GRIK4: variants seen among roughly 807,000 people sequenced by gnomAD.
GRIK4 encodes the protein glutamate receptor ionotropic, kainate 4.
A neutral mutation model predicts 104.9 loss-of-function variants in GRIK4; 40 were observed. The ratio of observed to expected loss-of-function variants is 0.38; its 90% CI spans 0.30 to 0.50. The LOEUF (loss-of-function observed/expected upper bound fraction) is 0.50, where lower values mean the gene tolerates loss of function less well. Ranked by LOEUF, GRIK4 falls within the 20% of genes least tolerant of loss-of-function variation. The pLI is 0.93. For synonymous variants in GRIK4, 485 were observed against 524.9 expected (o/e 0.92, Z 1.04); for missense variants, 1,047 against 1,308.1 (o/e 0.80, Z 3.08).
intron 14 of GRIK4, among the ~76,000 whole-genome samples, chr11:120,947,247 C>A (rs1943882025): frequency 6.6e-6 from 1 of 151,918 alleles, no homozygotes; most frequent in South Asian, 2.1e-4. Context: ...ACTAAAAATA[C>A]AAAAATTAGC....
At chr11:120,936,467 G>A (rs998117577) in intron 13 of GRIK4, 2 of 214,854 alleles carry the variant, frequency 9.3e-6, no homozygotes, top group African/African-American at 4.7e-5. Flanking sequence ...TTCCACCTTT[G>A]CCCTGTCTGC....
chr11:120,676,816 G>A (rs1228787288), intron 3 of GRIK4, among the ~76,000 whole-genome samples: 2 of 152,228 alleles, frequency 1.3e-5, no homozygotes, highest in African/African-American at 2.4e-5. Flanking sequence ...CACCATGGAA[G>A]GTAATGCATT....
intron 1 of GRIK4, among the ~76,000 whole-genome samples, chr11:120,520,822 G>A (rs988590610): frequency 6.6e-6 from 1 of 152,174 alleles, no homozygotes; most frequent in African/African-American, 2.4e-5. Context: ...TATTGCTCCT[G>A]ACAGCATCTC....
At chr11:120,556,182 G>A (rs180684995) in intron 1 of GRIK4, among the ~76,000 whole-genome samples, 21 of 152,154 alleles carry the variant, frequency 1.4e-4, no homozygotes, top group East Asian at 5.8e-4. Flanking sequence ...AGTGTCCCCC[G>A]GCCCCTGTCA....
chr11:120,846,068 C>G (rs979612167), intron 8 of GRIK4, among the ~76,000 whole-genome samples: 2 of 152,186 alleles, frequency 1.3e-5, no homozygotes, highest in Non-Finnish European at 2.9e-5. Context: ...TACCTATTCT[C>G]TGCACATGGT....
intron 1 of GRIK4, among the ~76,000 whole-genome samples, chr11:120,630,728 T>G (rs1297525761): frequency 6.6e-6 from 1 of 152,216 alleles, no homozygotes; most frequent in Non-Finnish European, 1.5e-5. Context: ...AAACTACTTT[T>G]TTTGTTCCTT....
intron 19 of GRIK4, among the ~76,000 whole-genome samples, chr11:120,977,078 T>G (rs995036498): frequency 6.6e-6 from 1 of 152,230 alleles, no homozygotes; most frequent in South Asian, 2.1e-4. Flanking sequence ...TTTGCATTTG[T>G]GAACTATCAT....
At chr11:120,577,808 G>T (rs1408841574) in intron 1 of GRIK4, among the ~76,000 whole-genome samples, 1 of 152,196 alleles carries the variant, frequency 6.6e-6, no homozygotes, top group Non-Finnish European at 1.5e-5. Context: ...GGGCAGGTGG[G>T]TGTTTAGCTG....
intron 3 of GRIK4, among the ~76,000 whole-genome samples, chr11:120,728,952 T>G (rs915885871): frequency 7.2e-5 from 11 of 152,176 alleles, no homozygotes; most frequent in African/African-American, 2.4e-4. Context: ...CCTTCTACTC[T>G]CTTTCTCCAT....
chr11:120,557,526 C>T (rs1948199223), intron 1 of GRIK4, among the ~76,000 whole-genome samples: 1 of 152,186 alleles, frequency 6.6e-6, no homozygotes, highest in South Asian at 2.1e-4. Context: ...ACCTATCTAG[C>T]GCTTCCCTAA....
intron 1 of GRIK4, chr11:120,514,984 G>C (rs372795773): frequency 2.0e-5 from 9 of 456,616 alleles, no homozygotes; most frequent in Admixed American, 2.3e-5. Flanking sequence ...TCTTCTTACA[G>C]AGGGTAACGC....
chr11:120,846,454 G>A (rs1953854159), intron 8 of GRIK4, among the ~76,000 whole-genome samples: 1 of 152,154 alleles, frequency 6.6e-6, no homozygotes, highest in Admixed American at 6.5e-5. Context: ...TTGGATGAGG[G>A]TTTACAGATA....
intron 8 of GRIK4, among the ~76,000 whole-genome samples, chr11:120,859,700 C>T (rs1001282315): frequency 1.3e-5 from 2 of 152,220 alleles, no homozygotes. Context: ...CCATCTGCCC[C>T]CTTGTGCCTA....
Position 120,879,233 on chromosome 11 carries a change from C to A in GRIK4, c.1164+3990C>A, listed in dbSNP as rs559496369. Among the ~76,000 whole-genome samples, 3 of 152,330 alleles carry A rather than the reference C, an allele frequency of 2.0e-5. No homozygotes were observed. The East Asian group carries it at 5.8e-4, about 29-fold the overall frequency. ...TCACTTTCCTGGAATCCCTAAAACC[C>A]CAAATCAAACCCCTTCAGCCAGGTC... On this transcript the variant is annotated intron_variant, in intron 11 of 20. Transcript: ENST00000527524.
chr11:120,742,468 AACC>A (rs2135410458), intron 3 of GRIK4, among the ~76,000 whole-genome samples: 1 of 151,966 alleles, frequency 6.6e-6, no homozygotes, highest in South Asian at 2.1e-4. Flanking sequence ...TGTAAATCAA[AACC>A]ACGAGATACC....
chr11:120,872,791 G>A (rs545625471), intron 9 of GRIK4: 6 of 181,544 alleles, frequency 3.3e-5, no homozygotes, highest in South Asian at 1.3e-4. Context: ...CAGGGACCCC[G>A]CATACATTAA....
chr11:120,866,873 G>A (rs1049802282), intron 9 of GRIK4, among the ~76,000 whole-genome samples: 3 of 152,150 alleles, frequency 2.0e-5, no homozygotes, highest in African/African-American at 4.8e-5. Flanking sequence ...GTTTCACCTC[G>A]GCACAGAGCT....
chr11:120,726,457 A>T (rs992389337), intron 3 of GRIK4, among the ~76,000 whole-genome samples: 2 of 152,222 alleles, frequency 1.3e-5, no homozygotes, highest in Non-Finnish European at 2.9e-5. Context: ...GTTGATGGTA[A>T]AAAGCAATTG....
chr11:120,754,175 C>T (rs112612671), intron 3 of GRIK4, among the ~76,000 whole-genome samples: 3 of 152,250 alleles, frequency 2.0e-5, no homozygotes, highest in Non-Finnish European at 2.9e-5. Flanking sequence ...GGATTACAGG[C>T]GCCCGCCACC....
Sources: allele counts gnomAD v4.1 joint callset (sites outside exome capture counted in the v4.1 genomes callset), GRCh38; gene constraint gnomAD v4.1.1; transcripts MANE v1.5; gene names NCBI Gene and HGNC (gene_info 2026-07-23, HGNC 2026-07-21).